The following CAGE1 variants were observed in gnomAD, a reference collection of about 807,000 sequenced individuals.
The protein encoded by CAGE1 is cancer-associated gene 1 protein.
CAGE1 carries 66 observed loss-of-function variants against 94.9 expected under a neutral mutation model. That is an observed-to-expected ratio of 0.70 (90% CI 0.57 to 0.85). The LOEUF is 0.85. CAGE1 is among the 40% of genes least tolerant of loss of function. The pLI is 0.00. For missense variants in CAGE1, 865 were observed against 950.4 expected (o/e 0.91, Z 1.18); for synonymous variants, 319 against 321.0 (o/e 0.99, Z 0.07).
intron 3 of CAGE1, among the ~76,000 whole-genome samples, chr6:7,382,074 G>A (rs780568433): frequency 1.8e-4 from 28 of 151,696 alleles, no homozygotes; most frequent in Non-Finnish European, 2.9e-4. Flanking sequence ...TCCTGATCTC[G>A]TGATCCGCCC....
intron 4 of CAGE1, 94 bp downstream of exon 4, chr6:7,378,523 G>A (rs140239161): frequency 2.2e-5 from 24 of 1,095,880 alleles, no homozygotes; most frequent in South Asian, 1.8e-4. Context: ...CATCACAATC[G>A]TACCTCCTCT....
At chr6:7,331,902 A>T (rs1758767324) in intron 12 of CAGE1, among the ~76,000 whole-genome samples, 1 of 152,284 alleles carries the variant, frequency 6.6e-6, no homozygotes, top group South Asian at 2.1e-4. Flanking sequence ...TTCCATTTCT[A>T]CTTTAAGCTT....
At chr6:7,356,888 C>G (rs1183080305) in intron 9 of CAGE1, among the ~76,000 whole-genome samples, 1 of 152,070 alleles carries the variant, frequency 6.6e-6, no homozygotes, top group Non-Finnish European at 1.5e-5. Context: ...CCTCTACCTC[C>G]CAGGTTCAAG....
In CAGE1 at chr6:7,354,181, GT is replaced by G. The variant is rs2113406973; in HGVS notation, c.2369+859del. The stretch of plus-strand genomic sequence containing the variant: ...AGTTTGATATTATTTTTAAATATTA[GT>G]TTTTTAATTTTTATATTTCATTGGC... On this transcript the variant is annotated intron_variant, in intron 11 of 13. Transcript: ENST00000502583. Among the ~76,000 whole-genome samples the G allele has an allele frequency of 1.3e-5, 2 of 152,182 alleles. 1 individual carries two copies. Among genetic ancestry groups the G allele is most frequent in the East Asian group, 3.9e-4 (2 of 5,182 alleles).
intron 11 of CAGE1, among the ~76,000 whole-genome samples, chr6:7,345,821 A>C (rs1304136432): frequency 6.6e-6 from 1 of 152,122 alleles, no homozygotes; most frequent in Non-Finnish European, 1.5e-5. Context: ...GCTACTTGGG[A>C]GGCTGAGGCA....
chr6:7,358,937 C>T (rs192856842), intron 9 of CAGE1, among the ~76,000 whole-genome samples: 27 of 152,304 alleles, frequency 1.8e-4, no homozygotes, highest in African/African-American at 3.1e-4. Context: ...CAACCAGCAG[C>T]GAATGAGAGT....
At chr6:7,387,863 C>CAAA (rs70978962) in intron 1 of CAGE1, among the ~76,000 whole-genome samples, 52 of 108,920 alleles carry the variant, frequency 4.8e-4, no homozygotes, top group African/African-American at 1.7e-3. Flanking sequence ...ACTAAAAATA[C>CAAA]AAAAAAAAAA....
intron 13 of CAGE1, among the ~76,000 whole-genome samples, chr6:7,328,623 G>C (rs1758613534): frequency 6.6e-6 from 1 of 152,146 alleles, no homozygotes; most frequent in South Asian, 2.1e-4. Context: ...GGGGAGGATA[G>C]GGAGAAGTTG....
intron 12 of CAGE1, among the ~76,000 whole-genome samples, chr6:7,330,491 G>T (rs1326371375): frequency 2.6e-5 from 4 of 152,184 alleles, no homozygotes; most frequent in Non-Finnish European, 5.9e-5. Context: ...AAAACTTAAT[G>T]AATTTCCTTG....
At chr6:7,356,152 A>T (rs1218590948) in intron 9 of CAGE1, 23 bp from the exon 10 acceptor site, 1 of 1,319,868 alleles carries the variant, frequency 7.6e-7, no homozygotes, top group Non-Finnish European at 1.1e-6. Flanking sequence ...ATCAGTAAAC[A>T]TACTAATCTG....
At chr6:7,350,916 C>G (rs1413847187) in intron 11 of CAGE1, among the ~76,000 whole-genome samples, 4 of 151,886 alleles carry the variant, frequency 2.6e-5, no homozygotes, top group Non-Finnish European at 5.9e-5. Context: ...AATATCAGAG[C>G]AGAACTAAAT....
At chr6:7,345,973 T>A (rs1016382848) in intron 11 of CAGE1, among the ~76,000 whole-genome samples, 2 of 152,140 alleles carry the variant, frequency 1.3e-5, no homozygotes, top group African/African-American at 4.8e-5. Context: ...TGAAGAACAA[T>A]ACCTCAAACT....
chr6:7,359,660 C>A (rs1760105515), intron 9 of CAGE1, among the ~76,000 whole-genome samples: 1 of 152,230 alleles, frequency 6.6e-6, no homozygotes, highest in Admixed American at 6.5e-5. Context: ...AGATGAGGTT[C>A]ACTCAGTCCA....
At chr6:7,351,139 T>A (rs1759752745) in intron 11 of CAGE1, among the ~76,000 whole-genome samples, 1 of 152,082 alleles carries the variant, frequency 6.6e-6, no homozygotes, top group Non-Finnish European at 1.5e-5. Context: ...ACCACTGAAA[T>A]ACAGAAGATC....
intron 7 of CAGE1, 58 bp downstream of exon 7, chr6:7,368,630 T>C (rs1760432471): frequency 1.9e-5 from 18 of 923,822 alleles, no homozygotes; most frequent in Non-Finnish European, 2.2e-5. Flanking sequence ...TTCACTACCT[T>C]TTAACTATTT....
chr6:7,381,913 C>T (rs1276563670), intron 3 of CAGE1, among the ~76,000 whole-genome samples: 4 of 151,006 alleles, frequency 2.6e-5, no homozygotes, highest in Non-Finnish European at 5.9e-5. Context: ...GATCTCGGCT[C>T]GCTGCAAGCT....
chr6:7,376,132 G>A (rs889723026), intron 4 of CAGE1, among the ~76,000 whole-genome samples: 1 of 152,142 alleles, frequency 6.6e-6, no homozygotes, highest in Admixed American at 6.6e-5. Context: ...GCTCACACCT[G>A]TAATCCCAGC....
chr6:7,369,010 ATT>A (rs34755964), intron 6 of CAGE1, among the ~76,000 whole-genome samples: 1,973 of 139,652 alleles, frequency 0.014, 47 homozygotes, highest in African/African-American at 0.047. Flanking sequence ...TTTTATTTTA[ATT>A]TTTTTTTTTT....
At chr6:7,337,179 T>C (rs554375517) in intron 11 of CAGE1, among the ~76,000 whole-genome samples, 2 of 151,942 alleles carry the variant, frequency 1.3e-5, no homozygotes, top group South Asian at 4.2e-4. Context: ...CCAAAAAAAT[T>C]AGCCCAGTGT....
Sources: gnomAD v4.1 joint callset for allele counts (sites outside exome capture counted in the v4.1 genomes callset) on GRCh38, gnomAD v4.1.1 for gene constraint, MANE v1.5 for transcripts, NCBI Gene and HGNC (gene_info 2026-07-23, HGNC 2026-07-21) for gene names.